The following PCYT1B variants were observed in gnomAD, a reference collection of about 807,000 sequenced individuals.
PCYT1B encodes the protein choline-phosphate cytidylyltransferase B.
PCYT1B carries 10 observed loss-of-function variants against 26.4 expected under a neutral mutation model. The observed-to-expected ratio is 0.38, with a 90% CI of 0.23 to 0.64. The LOEUF is 0.64. Ranked by LOEUF, PCYT1B falls within the 30% of genes least tolerant of loss-of-function variation. PCYT1B has a pLI of 0.56. For synonymous variants in PCYT1B, 131 were observed against 108.4 expected (o/e 1.21, Z -1.29); for missense variants, 161 against 292.7 (o/e 0.55, Z 3.28).
intron 1 of PCYT1B, among the ~76,000 whole-genome samples, chrX:24,665,075 T>C (rs1419788061): frequency 3.6e-5 from 4 of 111,874 alleles, no homozygotes; most frequent in African/African-American, 9.7e-5. Flanking sequence ...TTTGAAGATA[T>C]CTTAAGTTTT....
Position 24,561,894 on chromosome X carries a change from A to G in PCYT1B, c.*399T>C. 2.3e-6 allele frequency: 1 copy of G among 442,605 alleles called. No homozygotes were observed. The highest frequency in any genetic ancestry group is 4.0e-6 in the Non-Finnish European group (1 of 252,706). The allele number at this position is 442,605 out of a possible 1,213,427, so 36.5% of individuals were successfully genotyped here. A position where few individuals can be genotyped will look rare whatever the true frequency, so the allele number is the denominator to read the frequency against. On this transcript the variant is annotated 3_prime_UTR_variant, in exon 8 of 8. Transcript: ENST00000379144. ...GCTGGGGTGGTGGGAGGCAACGTGC[A>G]GGACCCTTATGGACGCAGAAGTAGC...
intron 1 of PCYT1B, among the ~76,000 whole-genome samples, chrX:24,670,204 T>C (rs1278941126): frequency 9.0e-5 from 10 of 110,762 alleles, no homozygotes; most frequent in African/African-American, 3.3e-4. Flanking sequence ...GTAAGAGGAA[T>C]TGAGGTAATG....
chrX:24,562,281 T>C lies in PCYT1B; in HGVS notation c.*12A>G. 1 of 1,153,636 alleles carries C rather than the reference T, an allele frequency of 8.7e-7. No individual in the cohort carries two copies. Among genetic ancestry groups the C allele is most frequent in the Non-Finnish European group, 1.2e-6 (1 of 866,010 alleles). On this transcript the variant is annotated 3_prime_UTR_variant, in exon 8 of 8. Coordinates refer to ENST00000379144, the MANE Select transcript of PCYT1B (RefSeq NM_004845.5). ...CATCCTGCATGGTGCGGCTCTTGCC[T>C]CCCAGCAGCCTCTACTTTTCATCCT...
At chrX:24,670,875 A>G (rs1320206343) in intron 1 of PCYT1B, among the ~76,000 whole-genome samples, 1 of 111,871 alleles carries the variant, frequency 8.9e-6, no homozygotes, top group Non-Finnish European at 1.9e-5. Flanking sequence ...AGGTATCAGA[A>G]TACGGAGTGA....
intron 1 of PCYT1B, chrX:24,632,397 C>G (rs1176919836): frequency 6.4e-6 from 1 of 155,170 alleles, no homozygotes; most frequent in Non-Finnish European, 1.4e-5. Flanking sequence ...AGGTCCATCT[C>G]AACTCTGGCA....
Position 24,561,995 on chromosome X carries a change from C to A in PCYT1B, c.*298G>T. The A allele has an allele frequency of 1.1e-6, 1 of 918,804 alleles. No homozygotes were observed. The allele number at this position is 918,804 out of a possible 1,213,427, so 75.7% of individuals were successfully genotyped here. A position where few individuals can be genotyped will look rare whatever the true frequency, so the allele number is the denominator to read the frequency against. ...GGAAGGACCAAAGCAGAAGTCACCC[C>A]ATCAGTGCAAGTCTCTCTAGGGAAC... On this transcript the variant is annotated 3_prime_UTR_variant, in exon 8 of 8. Transcript: ENST00000379144.
chrX:24,584,207 T>C (rs7889358), intron 5 of PCYT1B, among the ~76,000 whole-genome samples: 5,116 of 110,991 alleles, frequency 0.046, 193 homozygotes, highest in African/African-American at 0.12. Context: ...TGTGTGCCTG[T>C]AGTCCCAGCT....
chrX:24,573,263 A>C (rs1269490954), intron 7 of PCYT1B, among the ~76,000 whole-genome samples: 2 of 109,980 alleles, frequency 1.8e-5, no homozygotes, highest in African/African-American at 6.6e-5. Context: ...TCCTGGGCTC[A>C]AGCAATTCTC....
At chrX:24,647,379 T>G, upstream of PCYT1B, 1 of 674,344 alleles carries the variant, frequency 1.5e-6, no homozygotes. Context: ...AGTATCTCAT[T>G]TGCATAGAGC....
rs1882403 is a variant in PCYT1B at position 24,562,629 on chromosome X, A to C, written c.898-124T>G. The C allele has an allele frequency of 8.6e-4, 459 of 532,823 alleles. 2 individuals carry two copies. The South Asian group carries it at 0.012, about 14-fold the overall frequency. The allele number at this position is 532,823 out of a possible 1,213,427, so 43.9% of individuals were successfully genotyped here. The stretch of plus-strand genomic sequence containing the variant: ...CTCCTGAGCCCACAAACCTACACTC[A>C]TACCACATCCCGTGTTGTCCAAGAC... On this transcript the variant is annotated intron_variant, in intron 7 of 7. Transcript: ENST00000379144.
intron 1 of PCYT1B, among the ~76,000 whole-genome samples, chrX:24,657,324 GA>G (rs1172766018): frequency 3.6e-5 from 4 of 110,984 alleles, no homozygotes; most frequent in African/African-American, 6.5e-5. Flanking sequence ...TAATACATCA[GA>G]AAAAAAATGG....
At chrX:24,640,929 T>C (rs1893344654) in intron 1 of PCYT1B, among the ~76,000 whole-genome samples, 1 of 111,290 alleles carries the variant, frequency 9.0e-6, no homozygotes. Context: ...AAACTGTGCC[T>C]TCCTTGATCT....
intron 1 of PCYT1B, among the ~76,000 whole-genome samples, chrX:24,672,376 G>A (rs1416075015): frequency 1.8e-5 from 2 of 111,764 alleles, no homozygotes; most frequent in Non-Finnish European, 3.8e-5. Context: ...AGGGGATAAA[G>A]AAATATTAGT....
chrX:24,603,583 C>G (rs1218579363), intron 3 of PCYT1B, among the ~76,000 whole-genome samples: 4 of 110,248 alleles, frequency 3.6e-5, no homozygotes, highest in Non-Finnish European at 3.8e-5. Flanking sequence ...ATTAGCCAGG[C>G]ATGGTGGCAT....
At chrX:24,618,949 A>C (rs373939586) in intron 2 of PCYT1B, 36 bp downstream of exon 2, 1 of 921,530 alleles carries the variant, frequency 1.1e-6, no homozygotes, top group Non-Finnish European at 1.5e-6. Context: ...AAATGTCAAG[A>C]CAGGGCCCAT....
At chrX:24,640,082 G>T (rs892737017) in intron 1 of PCYT1B, among the ~76,000 whole-genome samples, 1 of 111,948 alleles carries the variant, frequency 8.9e-6, no homozygotes, top group Non-Finnish European at 1.9e-5. Context: ...GGAAAAGCTA[G>T]TCTCTAGTAA....
At chrX:24,640,862 C>G (rs1370121177) in intron 1 of PCYT1B, among the ~76,000 whole-genome samples, 1 of 111,721 alleles carries the variant, frequency 9.0e-6, no homozygotes. Flanking sequence ...CTCACAAACT[C>G]TACTTCCCTG....
Position 24,647,253 on chromosome X carries a change from G to A in PCYT1B, c.-148C>T. ...CTTCTTTCTGTCTTCCCTAGGGGAA[G>A]TAAAGAGGTTACCCCCCGCCCCTCT... On this transcript the variant is annotated 5_prime_UTR_variant, in exon 1 of 8. Coordinates refer to ENST00000379144, the MANE Select transcript of PCYT1B (RefSeq NM_004845.5). 2 of 991,786 alleles carry A rather than the reference G, an allele frequency of 2.0e-6. No individual in the cohort carries two copies. Among genetic ancestry groups the A allele is most frequent in the African/African-American group, 2.3e-5 (1 of 43,811 alleles). 81.7% of individuals were successfully genotyped at this position (991,786 alleles called of 1,213,427 possible). A position where few individuals can be genotyped will look rare whatever the true frequency, so the allele number is the denominator to read the frequency against.
chrX:24,655,219 C>T (rs986627531), intron 1 of PCYT1B, among the ~76,000 whole-genome samples: 9 of 111,793 alleles, frequency 8.1e-5, no homozygotes, highest in Non-Finnish European at 1.9e-5. Flanking sequence ...CACTTGAATC[C>T]AGGTCTCTTG....
Sources: allele counts gnomAD v4.1 joint callset (sites outside exome capture counted in the v4.1 genomes callset), GRCh38; gene constraint gnomAD v4.1.1; transcripts MANE v1.5; gene names NCBI Gene and HGNC (gene_info 2026-07-23, HGNC 2026-07-21).